EPHA3: variants seen among roughly 807,000 people sequenced by gnomAD.
EPHA3 encodes the protein EPH receptor A3.
Under a neutral mutation model 107.1 loss-of-function variants are expected in EPHA3, and 42 were observed. The observed-to-expected ratio is 0.39, with a 90% confidence interval of 0.31 to 0.51. The LOEUF (loss-of-function observed/expected upper bound fraction) is 0.51. Ranked by LOEUF, EPHA3 falls within the 20% of genes least tolerant of loss-of-function variation. EPHA3 has a pLI of 0.78. For synonymous variants in EPHA3, 461 were observed against 424.8 expected (o/e 1.09, Z -1.05); for missense variants, 1,183 against 1,211.2 (o/e 0.98, Z 0.35).
chr3:89,369,918 A>G (rs1439155035), intron 5 of EPHA3, among the ~76,000 whole-genome samples: 1 of 150,862 alleles, frequency 6.6e-6, no homozygotes, highest in African/African-American at 2.4e-5. Flanking sequence ...GCTCACCATC[A>G]CTGGCCATCA....
At chr3:89,138,581 A>G (rs1414223804) in intron 2 of EPHA3, among the ~76,000 whole-genome samples, 16 of 151,958 alleles carry the variant, frequency 1.1e-4, no homozygotes, top group African/African-American at 3.6e-4. Context: ...GTGCCACCCT[A>G]AAATGCTCAC....
At chr3:89,274,887 C>A (rs1478305323) in intron 3 of EPHA3, among the ~76,000 whole-genome samples, 3 of 152,030 alleles carry the variant, frequency 2.0e-5, no homozygotes, top group Non-Finnish European at 4.4e-5. Context: ...AAATTGTCAT[C>A]TTTCCTGTCC....
intron 5 of EPHA3, among the ~76,000 whole-genome samples, chr3:89,376,213 A>G (rs1267657839): frequency 6.6e-6 from 1 of 151,880 alleles, no homozygotes; most frequent in Non-Finnish European, 1.5e-5. Context: ...TTAAATGCAA[A>G]ATTGTCTTTG....
intron 13 of EPHA3, among the ~76,000 whole-genome samples, chr3:89,438,127 G>T (rs1441583017): frequency 6.7e-6 from 1 of 150,368 alleles, no homozygotes; most frequent in South Asian, 2.1e-4. Context: ...TGTTTTTTTT[G>T]AGATGGAGTC....
In EPHA3 at chr3:89,194,809, T is replaced by TA. The variant is rs1453496355; in HGVS notation, c.154-15051_154-15050insA. 3.3e-5 allele frequency among the ~76,000 whole-genome samples: 5 copies of TA among 152,130 alleles called. No individual in the cohort carries two copies. The East Asian group carries it at 9.6e-4, about 29-fold the overall frequency. On this transcript the variant is annotated intron_variant, in intron 2 of 16. Coordinates refer to ENST00000336596, the MANE Select transcript of EPHA3 (RefSeq NM_005233.6). ...TTCTCTCCAGCAACTCTGACATTGT[T>TA]TTTCCCTTGTTCTATTCTCACCTCT... is the stretch of plus-strand genomic sequence containing the variant.
intron 3 of EPHA3, among the ~76,000 whole-genome samples, chr3:89,219,463 C>T (rs570345322): frequency 4.6e-5 from 7 of 151,198 alleles, no homozygotes; most frequent in African/African-American, 1.5e-4. Flanking sequence ...GTGCCCTGCC[C>T]CCCACAACAA....
At chr3:89,387,243 A>T (rs1413438003) in intron 5 of EPHA3, among the ~76,000 whole-genome samples, 2 of 152,182 alleles carry the variant, frequency 1.3e-5, no homozygotes, top group Non-Finnish European at 2.9e-5. Flanking sequence ...CATAATCCCC[A>T]TGTGTCCTAG....
intron 3 of EPHA3, among the ~76,000 whole-genome samples, chr3:89,214,529 A>G (rs13071923): frequency 0.14 from 21,476 of 151,948 alleles, 1,645 homozygotes; most frequent in African/African-American, 0.21. Context: ...ATATTTGTGT[A>G]TTCATTATTT....
Position 89,404,321 on chromosome 3 carries a change from A to C in EPHA3, c.1595-2948A>C, listed in dbSNP as rs1709015838. ...TAAACAATTGTAACATTTATTGAGCACTTAATATATGCTTGGCACTACTGT... is the reference window on the plus strand; with the variant it reads ...TAAACAATTGTAACATTTATTGAGCCCTTAATATATGCTTGGCACTACTGT... On this transcript the variant is annotated intron_variant, in intron 7 of 16. Coordinates refer to ENST00000336596, the MANE Select transcript of EPHA3 (RefSeq NM_005233.6). Among the ~76,000 whole-genome samples the C allele has an allele frequency of 2.6e-5, 4 of 152,200 alleles. No individual in the cohort carries two copies. The South Asian group carries it at 8.3e-4, about 31-fold the overall frequency.
chr3:89,249,536 C>T (rs1164761586), intron 3 of EPHA3, among the ~76,000 whole-genome samples: 3 of 152,162 alleles, frequency 2.0e-5, no homozygotes, highest in Non-Finnish European at 4.4e-5. Flanking sequence ...TCTCTGCTCA[C>T]TGCAACCTCC....
chr3:89,430,521 A>C (rs747403598), intron 12 of EPHA3, among the ~76,000 whole-genome samples: 8 of 152,278 alleles, frequency 5.3e-5, no homozygotes, highest in Non-Finnish European at 1.2e-4. Context: ...ATATAAATAC[A>C]TTATCTATAC....
intron 2 of EPHA3, among the ~76,000 whole-genome samples, chr3:89,196,114 TC>T (rs1314891088): frequency 6.6e-6 from 1 of 152,140 alleles, no homozygotes; most frequent in Non-Finnish European, 1.5e-5. Flanking sequence ...TACTGCTGTT[TC>T]CTTTGCCTTG....
chr3:89,448,047 T>A lies in EPHA3; in HGVS notation c.2347-1178T>A, dbSNP rs184180641. Among the ~76,000 whole-genome samples the A allele has an allele frequency of 5.6e-3, 848 of 152,284 alleles. 9 individuals are homozygous for A. Among genetic ancestry groups the A allele is most frequent in the Non-Finnish European group, 7.5e-3 (508 of 68,012 alleles). The stretch of plus-strand genomic sequence containing the variant: ...TCAAATATTGTACTTATCTTTCAAG[T>A]GACTTCACTTGAAATTGAGGTCACT... On this transcript the variant is annotated intron_variant, in intron 13 of 16. Transcript: ENST00000336596.
intron 3 of EPHA3, among the ~76,000 whole-genome samples, chr3:89,328,749 A>C (rs1707226127): frequency 6.6e-6 from 1 of 152,140 alleles, no homozygotes; most frequent in African/African-American, 2.4e-5. Context: ...CCTTCTCCTC[A>C]GGAAAAAGAG....
At chr3:89,394,985 G>C (rs1295790568) in intron 5 of EPHA3, among the ~76,000 whole-genome samples, 1 of 152,138 alleles carries the variant, frequency 6.6e-6, no homozygotes, top group Admixed American at 6.6e-5. Flanking sequence ...TTAATGGAAG[G>C]GTTTGAAGAA....
chr3:89,437,530 T>C (rs771268664), intron 13 of EPHA3, among the ~76,000 whole-genome samples: 7 of 152,204 alleles, frequency 4.6e-5, no homozygotes, highest in Non-Finnish European at 1.0e-4. Context: ...GGTCTACTAA[T>C]TTACTTCATT....
At chr3:89,222,150 A>G (rs1042041479) in intron 3 of EPHA3, among the ~76,000 whole-genome samples, 1 of 151,926 alleles carries the variant, frequency 6.6e-6, no homozygotes, top group Non-Finnish European at 1.5e-5. Context: ...GATGATGGCT[A>G]GTGGAGAACC....
chr3:89,470,098 A>G (rs1168331914), intron 15 of EPHA3, among the ~76,000 whole-genome samples: 3 of 147,640 alleles, frequency 2.0e-5, no homozygotes, highest in East Asian at 3.9e-4. Flanking sequence ...CATTAATACT[A>G]TATTTTATTA....
chr3:89,225,990 C>T (rs967393074), intron 3 of EPHA3, among the ~76,000 whole-genome samples: 4 of 152,054 alleles, frequency 2.6e-5, no homozygotes, highest in Non-Finnish European at 4.4e-5. Flanking sequence ...TAAAAATATT[C>T]GTAGTTGTGG....
Sources: gnomAD v4.1 joint callset for allele counts (sites outside exome capture counted in the v4.1 genomes callset) on GRCh38, gnomAD v4.1.1 for gene constraint, MANE v1.5 for transcripts, NCBI Gene and HGNC (gene_info 2026-07-23, HGNC 2026-07-21) for gene names.